The following SMCO4 variants were observed in gnomAD, a reference collection of about 807,000 sequenced individuals.
SMCO4 encodes single-pass membrane protein with coiled-coil domains 4.
A neutral mutation model predicts 3.6 loss-of-function variants in SMCO4; 4 were observed. That is an observed-to-expected ratio of 1.11 (90% CI 0.54 to 2.53). The LOEUF (loss-of-function observed/expected upper bound fraction) is 2.53, where lower values mean the gene tolerates loss of function less well. Among genes scored for constraint, SMCO4 ranks in the 30% most tolerant of loss-of-function variants. SMCO4 has a pLI of 0.02. For missense variants in SMCO4, 70 were observed against 80.8 expected (o/e 0.87, Z 0.51); for synonymous variants, 36 against 35.3 (o/e 1.02, Z -0.07).
In SMCO4 at chr11:93,528,005, T is replaced by C. The variant is rs1210763294; in HGVS notation, c.-154+15271A>G. 2.0e-5 allele frequency among the ~76,000 whole-genome samples: 3 copies of C among 152,120 alleles called. No homozygotes were observed. The East Asian group carries it at 5.8e-4, about 29-fold the overall frequency. The stretch of plus-strand genomic sequence containing the variant: ...GTGAGAATTAAATAAGATACTGTAA[T>C]GGCAAGTTCTTACATTGTCTGGCAC... On this transcript the variant is annotated intron_variant, in intron 1 of 2. Coordinates refer to ENST00000298966, the MANE Select transcript of SMCO4 (RefSeq NM_020179.3).
intron 2 of SMCO4, among the ~76,000 whole-genome samples, chr11:93,490,842 C>T (rs1034815815): frequency 1.3e-5 from 2 of 152,170 alleles, no homozygotes; most frequent in Admixed American, 6.5e-5. Context: ...CTCTATCTCC[C>T]GGAGAAACCA....
intron 1 of SMCO4, among the ~76,000 whole-genome samples, chr11:93,513,460 G>GGTCAT (rs1565382676): frequency 6.6e-6 from 1 of 152,200 alleles, no homozygotes; most frequent in African/African-American, 2.4e-5. Flanking sequence ...AGGTAACATA[G>GGTCAT]GTCATGACCT....
chr11:93,485,188 C>T (rs887129557), intron 2 of SMCO4, among the ~76,000 whole-genome samples: 35 of 152,078 alleles, frequency 2.3e-4, no homozygotes, highest in African/African-American at 8.2e-4. Context: ...ATACTTTTAC[C>T]GGACAGCTTG....
At chr11:93,522,808 C>A (rs1434390806) in intron 1 of SMCO4, among the ~76,000 whole-genome samples, 3 of 152,138 alleles carry the variant, frequency 2.0e-5, no homozygotes, top group South Asian at 2.1e-4. Context: ...CCACACCTTG[C>A]AAACTTCTAA....
intron 1 of SMCO4, among the ~76,000 whole-genome samples, chr11:93,541,546 C>T (rs1949270996): frequency 1.3e-5 from 2 of 152,134 alleles, no homozygotes; most frequent in Non-Finnish European, 2.9e-5. Flanking sequence ...CAGGACCAAT[C>T]CAACTCCAAG....
intron 1 of SMCO4, among the ~76,000 whole-genome samples, chr11:93,533,269 G>T (rs949220713): frequency 6.6e-6 from 1 of 152,202 alleles, no homozygotes; most frequent in East Asian, 1.9e-4. Context: ...GTGACCAGGG[G>T]AATGAAACCA....
the SMCO4 span, among the ~76,000 whole-genome samples, chr11:93,549,872 T>C: frequency 6.6e-6 from 1 of 152,198 alleles, no homozygotes; most frequent in Non-Finnish European, 1.5e-5. Context: ...AGTGTTATAA[T>C]AAAAATGTCT....
chr11:93,481,381 G>T, intron 2 of SMCO4: 1 of 971,208 alleles, frequency 1.0e-6, no homozygotes, highest in Non-Finnish European at 1.2e-6. Context: ...GCCCAGGGAC[G>T]GGTGCACTGA....
intron 2 of SMCO4, among the ~76,000 whole-genome samples, chr11:93,492,040 G>C (rs573533353): frequency 6.6e-6 from 1 of 152,304 alleles, no homozygotes; most frequent in African/African-American, 2.4e-5. Context: ...CAGACAAACG[G>C]AAAGAATGAG....
chr11:93,483,094 T>A (rs2134568845), intron 2 of SMCO4, among the ~76,000 whole-genome samples: 1 of 152,080 alleles, frequency 6.6e-6, no homozygotes, highest in Non-Finnish European at 1.5e-5. Flanking sequence ...AAGATGGCAC[T>A]GGGGGCGAGG....
At chr11:93,483,141 CT>C (rs1183694438) in intron 2 of SMCO4, among the ~76,000 whole-genome samples, 1 of 152,082 alleles carries the variant, frequency 6.6e-6, no homozygotes, top group African/African-American at 2.4e-5. Context: ...GGACTAAAGG[CT>C]TCTGTTTTTT....
At position 93,479,574 on chromosome 11, in the gene SMCO4, C is replaced by T. The variant is rs182895693; in HGVS notation, c.-80-305G>A. Among the ~76,000 whole-genome samples the T allele has an allele frequency of 2.0e-4, 30 of 152,320 alleles. No individual in the cohort carries two copies. In the East Asian group the frequency reaches 4.1e-3, roughly 21 times the overall value. Reference sequence around the variant, plus strand: ...TGAAAGGATTGGGAAGCACCAACTACGCCGCCTCCACTCAGAGGAGCGGCT... The same window carrying T: ...TGAAAGGATTGGGAAGCACCAACTATGCCGCCTCCACTCAGAGGAGCGGCT... On this transcript the variant is annotated intron_variant, in intron 2 of 2. Transcript: ENST00000298966.
upstream of SMCO4, among the ~76,000 whole-genome samples, chr11:93,546,908 C>A (rs757341310): frequency 3.9e-5 from 6 of 152,220 alleles, no homozygotes; most frequent in Non-Finnish European, 8.8e-5. Flanking sequence ...AACCAGCAAG[C>A]TCTTCTCTTC....
intron 1 of SMCO4, among the ~76,000 whole-genome samples, chr11:93,538,781 G>A (rs12791178): frequency 3.3e-5 from 5 of 152,076 alleles, no homozygotes; most frequent in Admixed American, 6.5e-5. Context: ...CCTCTTCTCC[G>A]CAACCACTGC....
intron 2 of SMCO4, among the ~76,000 whole-genome samples, chr11:93,483,564 C>T (rs1478804813): frequency 6.6e-6 from 1 of 152,162 alleles, no homozygotes; most frequent in East Asian, 1.9e-4. Flanking sequence ...GAGAAGCCTC[C>T]ACACTCTCCT....
intron 1 of SMCO4, among the ~76,000 whole-genome samples, chr11:93,532,964 C>T (rs1228526824): frequency 6.6e-6 from 1 of 152,172 alleles, no homozygotes; most frequent in African/African-American, 2.4e-5. Flanking sequence ...AAATCACCAA[C>T]ACCTAGAACA....
chr11:93,482,584 C>G (rs2134567923), intron 2 of SMCO4, among the ~76,000 whole-genome samples: 1 of 152,284 alleles, frequency 6.6e-6, no homozygotes, highest in East Asian at 1.9e-4. Flanking sequence ...ATGGGGTACT[C>G]AGAGAAAAGG....
At chr11:93,497,909 T>A (rs1019006023) in intron 2 of SMCO4, among the ~76,000 whole-genome samples, 2 of 152,218 alleles carry the variant, frequency 1.3e-5, no homozygotes, top group Admixed American at 1.3e-4. Flanking sequence ...AAGATGATGG[T>A]GACCAATTAA....
chr11:93,498,975 C>G (rs1033501688), intron 2 of SMCO4, among the ~76,000 whole-genome samples: 1 of 152,128 alleles, frequency 6.6e-6, no homozygotes, highest in Non-Finnish European at 1.5e-5. Context: ...AGACCTCTAC[C>G]CGACTGGCCA....
Sources: allele counts gnomAD v4.1 joint callset (sites outside exome capture counted in the v4.1 genomes callset), GRCh38; gene constraint gnomAD v4.1.1; transcripts MANE v1.5; gene names NCBI Gene and HGNC (gene_info 2026-07-23, HGNC 2026-07-21).